Variants in TOM1L2 observed in about 807,000 individuals in gnomAD.
TOM1L2 encodes TOM1-like protein 2.
Under a neutral mutation model 67.9 loss-of-function variants are expected in TOM1L2, and 31 were observed. The observed-to-expected ratio is 0.46, with a 90% CI of 0.34 to 0.62. The LOEUF is 0.62. Ranked by LOEUF, TOM1L2 falls within the 20% of genes least tolerant of loss-of-function variation. The pLI, the probability that TOM1L2 is intolerant of heterozygous loss-of-function variation, is 0.01. For missense variants in TOM1L2, 606 were observed against 663.5 expected (o/e 0.91, Z 0.95); for synonymous variants, 256 against 254.0 (o/e 1.01, Z -0.07).
intron 1 of TOM1L2, among the ~76,000 whole-genome samples, chr17:17,958,294 C>T (rs934099895): frequency 6.6e-6 from 1 of 152,132 alleles, no homozygotes; most frequent in Admixed American, 6.5e-5. Flanking sequence ...GTGAACAGTC[C>T]CAGACTTTCC....
intron 1 of TOM1L2, among the ~76,000 whole-genome samples, chr17:17,962,849 T>C (rs1167350983): frequency 1.3e-5 from 2 of 151,784 alleles, no homozygotes; most frequent in Non-Finnish European, 2.9e-5. Flanking sequence ...TAGTCCCAGC[T>C]ACTTGGGAGG....
At chr17:17,880,171 T>C (rs1265098239) in intron 6 of TOM1L2, among the ~76,000 whole-genome samples, 1 of 152,210 alleles carries the variant, frequency 6.6e-6, no homozygotes, top group African/African-American at 2.4e-5. Context: ...GATCCTATTC[T>C]ACAAAGCTCT....
intron 1 of TOM1L2, among the ~76,000 whole-genome samples, chr17:17,914,652 AG>A (rs2039552322): frequency 6.6e-6 from 1 of 152,108 alleles, no homozygotes; most frequent in African/African-American, 2.4e-5. Context: ...GTGCCATCTG[AG>A]GACTGACTTT....
At chr17:17,933,812 G>A (rs1450267854) in intron 1 of TOM1L2, among the ~76,000 whole-genome samples, 2 of 152,146 alleles carry the variant, frequency 1.3e-5, no homozygotes, top group African/African-American at 4.8e-5. Context: ...ATCCAACACT[G>A]GGGTGTGAAA....
intron 6 of TOM1L2, 110 bp downstream of exon 6, chr17:17,882,595 C>A: frequency 6.9e-7 from 1 of 1,439,192 alleles, no homozygotes; most frequent in Admixed American, 1.9e-5. Flanking sequence ...ATCTCTGTGT[C>A]CCTAACACCC....
intron 1 of TOM1L2, among the ~76,000 whole-genome samples, chr17:17,959,685 CCA>C (rs2041609590): frequency 6.6e-6 from 1 of 152,206 alleles, no homozygotes; most frequent in South Asian, 2.1e-4. Flanking sequence ...AAAAAAAACT[CCA>C]CAGTGTCCTA....
At position 17,847,245 on chromosome 17, in the gene TOM1L2, C is replaced by T. The variant is rs2035691920; in HGVS notation, c.*390G>A. 4.5e-6 allele frequency: 1 copy of T among 221,446 alleles called. No individual in the cohort carries two copies. The highest frequency in any genetic ancestry group is 9.0e-6 in the Non-Finnish European group (1 of 111,136). 13.7% of individuals were successfully genotyped at this position (221,446 alleles called of 1,614,324 possible). ...GAGGGCAGAATGCCTGAGAAGGTCG[C>T]TGAGCCAGGCAGAGGTGAGCACAGG... On this transcript the variant is annotated 3_prime_UTR_variant, in exon 15 of 15. Coordinates refer to ENST00000379504, the MANE Select transcript of TOM1L2 (RefSeq NM_001082968.2).
chr17:17,946,741 T>C (rs1317322034), intron 1 of TOM1L2, among the ~76,000 whole-genome samples: 1 of 152,158 alleles, frequency 6.6e-6, no homozygotes, highest in African/African-American at 2.4e-5. Flanking sequence ...ATTTTTTTTT[T>C]TAAGACAGAG....
intron 1 of TOM1L2, among the ~76,000 whole-genome samples, chr17:17,927,438 G>A (rs915740062): frequency 1.3e-5 from 2 of 152,040 alleles, no homozygotes; most frequent in Admixed American, 1.3e-4. Context: ...CTGAGGCCAG[G>A]ACCTGCATGC....
intron 4 of TOM1L2, among the ~76,000 whole-genome samples, chr17:17,887,350 T>C (rs558633006): frequency 6.6e-6 from 1 of 152,302 alleles, no homozygotes; most frequent in South Asian, 2.1e-4. Flanking sequence ...AAAAATGGGG[T>C]GCAGGGGCGC....
intron 1 of TOM1L2, 72 bp from the exon 2 acceptor site, chr17:17,907,603 G>T: frequency 7.4e-7 from 1 of 1,342,772 alleles, no homozygotes. Flanking sequence ...AATGGGAAGA[G>T]ACCAGAACCA....
At chr17:17,868,580 G>A (rs2036978773) in intron 8 of TOM1L2, among the ~76,000 whole-genome samples, 1 of 152,090 alleles carries the variant, frequency 6.6e-6, no homozygotes, top group Non-Finnish European at 1.5e-5. Flanking sequence ...GGTCCTTTCT[G>A]GTCCTTATGC....
intron 1 of TOM1L2, among the ~76,000 whole-genome samples, chr17:17,915,017 T>TG (rs1261105314): frequency 2.0e-5 from 3 of 152,178 alleles, no homozygotes; most frequent in African/African-American, 7.2e-5. Context: ...AGCTTTTGTT[T>TG]GGATGTGTGA....
At chr17:17,916,224 C>G (rs1052149037) in intron 1 of TOM1L2, among the ~76,000 whole-genome samples, 1 of 152,076 alleles carries the variant, frequency 6.6e-6, no homozygotes, top group Non-Finnish European at 1.5e-5. Context: ...CAGGCGCCCA[C>G]CACTATGCCA....
intron 1 of TOM1L2, among the ~76,000 whole-genome samples, chr17:17,924,354 C>T (rs1307621251): frequency 1.3e-5 from 2 of 151,982 alleles, no homozygotes; most frequent in East Asian, 3.8e-4. Flanking sequence ...GCTGTGAATA[C>T]AATGTTTTTT....
At position 17,847,441 on chromosome 17, in the gene TOM1L2, C is replaced by G. The variant is rs2035703359; in HGVS notation, c.*194G>C. ...GAGAGAGTCTCTGGCTGCAGTTGTC[C>G]CACCACTCAGAGAAAAGAAGTGGCT... On this transcript the variant is annotated 3_prime_UTR_variant, in exon 15 of 15. Transcript: ENST00000379504. The G allele has an allele frequency of 4.4e-6, 3 of 681,726 alleles. No individual in the cohort carries two copies. In the South Asian group the frequency reaches 6.0e-5, roughly 14 times the overall value. 42.2% of individuals were successfully genotyped at this position (681,726 alleles called of 1,614,324 possible). A position where few individuals can be genotyped will look rare whatever the true frequency, so the allele number is the denominator to read the frequency against.
At chr17:17,890,334 G>A (rs1046989150) in intron 4 of TOM1L2, among the ~76,000 whole-genome samples, 1 of 152,064 alleles carries the variant, frequency 6.6e-6, no homozygotes, top group Non-Finnish European at 1.5e-5. Context: ...ACCCCGGTAT[G>A]AGGTGGATAC....
At chr17:17,857,838 G>A (rs1378417995) in intron 12 of TOM1L2, 5 of 1,535,462 alleles carry the variant, frequency 3.3e-6, no homozygotes, top group Non-Finnish European at 4.4e-6. Flanking sequence ...CTCTCTTCTG[G>A]GCCGAGGACA....
At chr17:17,884,359 A>C (rs2037882218) in intron 5 of TOM1L2, among the ~76,000 whole-genome samples, 1 of 152,210 alleles carries the variant, frequency 6.6e-6, no homozygotes, top group Non-Finnish European at 1.5e-5. Context: ...AATGACCCTC[A>C]CAGGATGGCT....
Sources: allele counts gnomAD v4.1 joint callset (sites outside exome capture counted in the v4.1 genomes callset), GRCh38; gene constraint gnomAD v4.1.1; transcripts MANE v1.5; gene names NCBI Gene and HGNC (gene_info 2026-07-23, HGNC 2026-07-21).